ARIH1: variants seen among roughly 807,000 people sequenced by gnomAD.
ARIH1 encodes E3 ubiquitin-protein ligase ARIH1.
In ARIH1, 8 loss-of-function variants were observed where a neutral mutation model predicts 85.0. That is an observed-to-expected ratio of 0.09 (90% CI 0.06 to 0.17). The LOEUF is 0.17. Among genes scored for constraint, ARIH1 ranks in the 10% least tolerant of loss-of-function variants. ARIH1 has a pLI of 1.00. For synonymous variants in ARIH1, 238 were observed against 253.6 expected, an observed-to-expected ratio of 0.94 and a Z score of 0.59; for missense variants, 311 against 718.1, an observed-to-expected ratio of 0.43 and a Z score of 6.48.
rs540940577 is a variant in ARIH1, at chr15:72,575,645, A to T, written c.1215+3480A>T. 2.0e-4 allele frequency among the ~76,000 whole-genome samples: 30 copies of T among 151,846 alleles called. 1 individual carries two copies. The highest frequency in any genetic ancestry group is 1.8e-3 in the Admixed American group (27 of 15,204). On this transcript the variant is annotated intron_variant, in intron 11 of 13. Coordinates refer to ENST00000379887, the MANE Select transcript of ARIH1 (RefSeq NM_005744.5). Reference sequence around the variant, plus strand: ...AATTTTAGTGAGAAGCAGTTTCAGAATTCTTAGATTAAGTCAAGTCCCATA... The same window carrying T: ...AATTTTAGTGAGAAGCAGTTTCAGATTTCTTAGATTAAGTCAAGTCCCATA...
intron 1 of ARIH1, among the ~76,000 whole-genome samples, chr15:72,480,265 T>A (rs998888016): frequency 8.5e-5 from 11 of 129,880 alleles, no homozygotes; most frequent in African/African-American, 3.4e-4. Context: ...ACCTTCAAAT[T>A]TTTTTTTTTT....
rs530587382 is a variant in ARIH1 at position 72,593,886 on chromosome 15, G to A, written c.*10594G>A. 1 of 151,020 alleles carries A rather than the reference G, an allele frequency of 6.6e-6. No individual in the cohort carries two copies. Among genetic ancestry groups the A allele is most frequent in the Non-Finnish European group, 1.5e-5 (1 of 67,802 alleles). The allele number at this position is 151,020 out of a possible 1,614,324, so 9.4% of individuals were successfully genotyped here. Reference sequence around the variant, plus strand: ...TTCATGCCACTGCATTCCAGCTTGGGTGACAGCAAGACCCTGTCAAAAAAA... The same window carrying A: ...TTCATGCCACTGCATTCCAGCTTGGATGACAGCAAGACCCTGTCAAAAAAA... On this transcript the variant is annotated 3_prime_UTR_variant, in exon 14 of 14. Coordinates refer to ENST00000379887, the MANE Select transcript of ARIH1 (RefSeq NM_005744.5).
At chr15:72,493,804 TCA>T (rs2063868881) in intron 1 of ARIH1, among the ~76,000 whole-genome samples, 2 of 152,260 alleles carry the variant, frequency 1.3e-5, no homozygotes, top group African/African-American at 4.8e-5. Flanking sequence ...CTCCATAACC[TCA>T]GATTTTTTTT....
At chr15:72,562,656 A>G (rs1457185546) in intron 6 of ARIH1, among the ~76,000 whole-genome samples, 2 of 150,248 alleles carry the variant, frequency 1.3e-5, no homozygotes, top group Admixed American at 6.6e-5. Flanking sequence ...AGTTGTATGT[A>G]TATCCTTTAG....
chr15:72,578,585 T>A (rs1269129210), intron 11 of ARIH1, among the ~76,000 whole-genome samples: 1 of 152,140 alleles, frequency 6.6e-6, no homozygotes, highest in Non-Finnish European at 1.5e-5. Context: ...GACAACTCTT[T>A]TTCTTAATTT....
chr15:72,498,111 GATCACA>G (rs1325045886), intron 1 of ARIH1, among the ~76,000 whole-genome samples: 1 of 152,108 alleles, frequency 6.6e-6, no homozygotes, highest in Non-Finnish European at 1.5e-5. Context: ...CCACTAAATA[GATCACA>G]AAAGGGGAGT....
intron 3 of ARIH1, among the ~76,000 whole-genome samples, chr15:72,547,501 G>A (rs2064134960): frequency 6.6e-6 from 1 of 152,134 alleles, no homozygotes; most frequent in African/African-American, 2.4e-5. Flanking sequence ...CCATAGTGCT[G>A]GGATTACAGG....
At chr15:72,480,517 TC>T (rs1245295996) in intron 1 of ARIH1, among the ~76,000 whole-genome samples, 4 of 152,062 alleles carry the variant, frequency 2.6e-5, no homozygotes, top group African/African-American at 9.7e-5. Flanking sequence ...TACCTTGGCC[TC>T]CCAGAGTGTT....
chr15:72,584,724 C>T lies in ARIH1; in HGVS notation c.*1432C>T, dbSNP rs982982184. ...TCAGCAGATAGGAGAATTAATAATG[C>T]ATTTTAGCTGTGATGTCCATTTTTA... On this transcript the variant is annotated 3_prime_UTR_variant, in exon 14 of 14. Transcript: ENST00000379887. The T allele has an allele frequency of 1.3e-5, 2 of 151,828 alleles. No individual in the cohort carries two copies. The highest frequency in any genetic ancestry group is 1.3e-4 in the Admixed American group (2 of 15,232). The allele number at this position is 151,828 out of a possible 1,614,324, so 9.4% of individuals were successfully genotyped here.
chr15:72,555,958 C>T lies in ARIH1; in HGVS notation c.737+51C>T, dbSNP rs371233497. The T allele has an allele frequency of 5.8e-5, 88 of 1,515,714 alleles. 1 individual carries two copies. In the African/African-American group the frequency reaches 9.7e-4, roughly 17 times the overall value. The allele number at this position is 1,515,714 out of a possible 1,614,324, so 93.9% of individuals were successfully genotyped here. On this transcript the variant is annotated intron_variant, in intron 5 of 13. Transcript: ENST00000379887. ...TGTGAATATTGGTTAGTTGGTTAAA[C>T]CAAATTAATTTTTACTTAGTACCTC...
intron 1 of ARIH1, among the ~76,000 whole-genome samples, chr15:72,516,439 T>C (rs2063975409): frequency 6.6e-6 from 1 of 152,220 alleles, no homozygotes; most frequent in African/African-American, 2.4e-5. Context: ...AAAAAAAAGT[T>C]TTACATCACA....
At chr15:72,499,864 G>C (rs2063895415) in intron 1 of ARIH1, among the ~76,000 whole-genome samples, 1 of 152,110 alleles carries the variant, frequency 6.6e-6, no homozygotes, top group Admixed American at 6.5e-5. Context: ...TTTCTTGACT[G>C]AATCTCATTG....
chr15:72,553,051 A>G (rs113548585), intron 3 of ARIH1, among the ~76,000 whole-genome samples: 5,823 of 152,226 alleles, frequency 0.038, 336 homozygotes, highest in African/African-American at 0.13. Context: ...CTGGGATTAC[A>G]GGTGTGAGCC....
chr15:72,492,800 A>G (rs2063864789), intron 1 of ARIH1, among the ~76,000 whole-genome samples: 1 of 152,226 alleles, frequency 6.6e-6, no homozygotes, highest in African/African-American at 2.4e-5. Context: ...CCAGCTATAA[A>G]GCCAAAGTGG....
intron 1 of ARIH1, among the ~76,000 whole-genome samples, chr15:72,484,800 C>T (rs925441287): frequency 6.6e-6 from 1 of 151,678 alleles, no homozygotes; most frequent in Non-Finnish European, 1.5e-5. Flanking sequence ...CACACACACA[C>T]ACACACCACA....
At chr15:72,515,398 G>T (rs528378088) in intron 1 of ARIH1, among the ~76,000 whole-genome samples, 7 of 152,138 alleles carry the variant, frequency 4.6e-5, no homozygotes, top group Non-Finnish European at 1.0e-4. Context: ...TTTGATAATT[G>T]TAATATCTGG....
At chr15:72,495,438 C>G (rs927518669) in intron 1 of ARIH1, among the ~76,000 whole-genome samples, 1 of 152,146 alleles carries the variant, frequency 6.6e-6, no homozygotes, top group African/African-American at 2.4e-5. Flanking sequence ...TATAGCTTTT[C>G]TTCTTTTGGT....
intron 2 of ARIH1, among the ~76,000 whole-genome samples, chr15:72,521,336 ACT>A (rs2063999165): frequency 6.6e-6 from 1 of 150,738 alleles, no homozygotes; most frequent in Non-Finnish European, 1.5e-5. Context: ...TATAATAGAA[ACT>A]CTTAATATAC....
At chr15:72,575,619 G>C (rs558332421) in intron 11 of ARIH1, among the ~76,000 whole-genome samples, 63 of 145,746 alleles carry the variant, frequency 4.3e-4, no homozygotes, top group African/African-American at 1.5e-3. Context: ...TTTTCATGTT[G>C]AATTTTAGTG....
Sources: gnomAD v4.1 joint callset for allele counts (sites outside exome capture counted in the v4.1 genomes callset) on GRCh38, gnomAD v4.1.1 for gene constraint, MANE v1.5 for transcripts, NCBI Gene and HGNC (gene_info 2026-07-23, HGNC 2026-07-21) for gene names.